Variants in PGPEP1L observed in about 807,000 individuals in gnomAD.
PGPEP1L encodes the protein pyroglutamyl-peptidase 1-like protein.
PGPEP1L carries 7 observed loss-of-function variants against 6.0 expected under a neutral mutation model. The ratio of observed to expected loss-of-function variants is 1.17; its 90% CI spans 0.66 to 2.19. The LOEUF (loss-of-function observed/expected upper bound fraction) is 2.19, where lower values mean the gene tolerates loss of function less well. Ranked by LOEUF, PGPEP1L falls within the 30% of genes most tolerant of loss-of-function variation. The probability of loss-of-function intolerance (pLI) is 0.00; values close to 1 mark genes in which losing one functional copy is unlikely to be tolerated. For synonymous variants in PGPEP1L, 103 were observed against 83.9 expected (o/e 1.23, Z -1.24); for missense variants, 209 against 192.5 (o/e 1.09, Z -0.51).
chr15:99,006,851 G>C (rs1555473711), intron 1 of PGPEP1L, among the ~76,000 whole-genome samples: 1 of 152,070 alleles, frequency 6.6e-6, no homozygotes, highest in Non-Finnish European at 1.5e-5. Context: ...TCCTGAAGCT[G>C]TATATTAAGA....
At position 98,969,471 on chromosome 15, in the gene PGPEP1L, C is replaced by T. The variant is rs759520361; in HGVS notation, c.163G>A (p.Val55Ile). ...ATCACGTCGACACCCTCCACAGCTA[C>T]GCGCTTGCAGACTGCCTTCATGCAG... ...GVCMKAVCKR[V>I]AVEGVDVIFS... The change falls in exon 4 of 5, where the codon GTA becomes ATA. Residue 55 changes from valine (V) to isoleucine (I), a missense_variant. By Grantham distance (29) the Val-to-Ile change is conservative. Coordinates refer to ENST00000535714, the MANE Select transcript of PGPEP1L (RefSeq NM_001167902.2). The T allele has an allele frequency of 1.2e-5, 20 of 1,613,934 alleles. No homozygotes were observed. Among genetic ancestry groups the T allele is most frequent in the East Asian group, 2.2e-5 (1 of 44,902 alleles).
At chr15:98,970,956 T>G in intron 3 of PGPEP1L, 80 bp downstream of exon 3, 1 of 1,580,490 alleles carries the variant, frequency 6.3e-7, no homozygotes, top group Non-Finnish European at 8.6e-7. Context: ...CCATCAACCC[T>G]AGAACCAGGA....
intron 4 of PGPEP1L, 61 bp from the exon 5 acceptor site, chr15:98,968,758 A>T: frequency 6.8e-7 from 1 of 1,473,328 alleles, no homozygotes; most frequent in Non-Finnish European, 9.2e-7. Flanking sequence ...AGTGAAACAT[A>T]CGCAGAAGTG....
chr15:98,975,207 A>T lies in PGPEP1L; in HGVS notation c.-141-4049T>A, dbSNP rs182251219. ...GAACTGGAGGTCATTATGTTAAGTG[A>T]AATAAGCCAGGCACAGACACACAAA... On this transcript the variant is annotated intron_variant, in intron 2 of 4. Coordinates refer to ENST00000535714, the MANE Select transcript of PGPEP1L (RefSeq NM_001167902.2). 5.4e-4 allele frequency among the ~76,000 whole-genome samples: 82 copies of T among 152,348 alleles called. No individual in the cohort carries two copies. The Middle Eastern group carries it at 0.01, about 19-fold the overall frequency.
intron 1 of PGPEP1L, among the ~76,000 whole-genome samples, chr15:99,006,331 A>C (rs144432321): frequency 6.6e-6 from 1 of 152,346 alleles, no homozygotes; most frequent in East Asian, 1.9e-4. Flanking sequence ...TACCTGCGAA[A>C]AGTGCTTTCT....
At chr15:98,997,588 A>G (rs1181135460) in intron 2 of PGPEP1L, among the ~76,000 whole-genome samples, 1 of 152,146 alleles carries the variant, frequency 6.6e-6, no homozygotes, top group Non-Finnish European at 1.5e-5. Context: ...GCTTTCTTAC[A>G]AATAAACATG....
intron 1 of PGPEP1L, among the ~76,000 whole-genome samples, chr15:99,006,710 G>C (rs370718791): frequency 6.6e-6 from 1 of 152,206 alleles, no homozygotes; most frequent in Non-Finnish European, 1.5e-5. Context: ...GGCTTCTCAG[G>C]GAGGCTGAAG....
intron 2 of PGPEP1L, among the ~76,000 whole-genome samples, chr15:98,980,174 C>T (rs920185950): frequency 6.6e-6 from 1 of 152,100 alleles, no homozygotes; most frequent in African/African-American, 2.4e-5. Context: ...TCCCCAAAAA[C>T]TTATGAAAAT....
rs2018033633 is a variant in PGPEP1L, at chr15:99,005,213, G to GA, written c.-142+215dup. Among the ~76,000 whole-genome samples, 3 of 152,322 alleles carry GA rather than the reference G, an allele frequency of 2.0e-5. No homozygotes were observed. In the South Asian group the frequency reaches 6.2e-4, roughly 32 times the overall value. On this transcript the variant is annotated intron_variant, in intron 2 of 4. Coordinates refer to ENST00000535714, the MANE Select transcript of PGPEP1L (RefSeq NM_001167902.2). ...CCGCCACTCGAGAGTTACTTGAAGC[G>GA]AATGAGCCACAGAAGCAGAAATGCC...
At chr15:98,968,881 T>C (rs2017446710) in intron 4 of PGPEP1L, among the ~76,000 whole-genome samples, 184 bp from the exon 5 acceptor site, 1 of 152,234 alleles carries the variant, frequency 6.6e-6, no homozygotes, top group Admixed American at 6.5e-5. Flanking sequence ...GAGCTGGCTC[T>C]TGGCCTCATG....
Position 98,985,521 on chromosome 15 carries a change from GAAC to G in PGPEP1L, c.-141-14366_-141-14364del, listed in dbSNP as rs2017735295. On this transcript the variant is annotated intron_variant, in intron 2 of 4. Transcript: ENST00000535714. ...CCACTGCACTCCAGCCTGGGCAACA[GAAC>G]AAGACTCCATCTCAAAACAAACAAA... Among the ~76,000 whole-genome samples, 4 of 152,302 alleles carry G rather than the reference GAAC, an allele frequency of 2.6e-5. No homozygotes were observed. The South Asian group carries it at 8.3e-4, about 32-fold the overall frequency.
chr15:98,970,929 G>A (rs1270390405), intron 3 of PGPEP1L, 107 bp downstream of exon 3: 4 of 1,500,766 alleles, frequency 2.7e-6, no homozygotes, highest in Middle Eastern at 2.2e-4. Flanking sequence ...GGGGCCTGGG[G>A]ACGGGGTGCC....
Position 98,968,403 on chromosome 15 carries a change from A to C in PGPEP1L, c.*75T>G, listed in dbSNP as rs1338484164. ...TTGTCTTACAAGCAATTTTTGAAAAAGTTTCTCAATGCACAGTTGAGTGCT... is the reference window on the plus strand; with the variant it reads ...TTGTCTTACAAGCAATTTTTGAAAACGTTTCTCAATGCACAGTTGAGTGCT... On this transcript the variant is annotated 3_prime_UTR_variant, in exon 5 of 5. Coordinates refer to ENST00000535714, the MANE Select transcript of PGPEP1L (RefSeq NM_001167902.2). 2.1e-6 allele frequency: 3 copies of C among 1,452,910 alleles called. No individual in the cohort carries two copies. Among genetic ancestry groups the C allele is most frequent in the Non-Finnish European group, 2.8e-6 (3 of 1,065,984 alleles). 90.0% of individuals were successfully genotyped at this position (1,452,910 alleles called of 1,614,324 possible). A position where few individuals can be genotyped will look rare whatever the true frequency, so the allele number is the denominator to read the frequency against.
chr15:98,989,745 C>T (rs1413751683), intron 2 of PGPEP1L, among the ~76,000 whole-genome samples: 3 of 152,168 alleles, frequency 2.0e-5, no homozygotes, highest in Non-Finnish European at 4.4e-5. Context: ...GGTCGGGTTA[C>T]CCACAAAGGG....
chr15:98,984,244 T>C (rs2017713284), intron 2 of PGPEP1L, among the ~76,000 whole-genome samples: 1 of 152,158 alleles, frequency 6.6e-6, no homozygotes, highest in African/African-American at 2.4e-5. Flanking sequence ...TCTCCTGACC[T>C]TGTGAACCAC....
In PGPEP1L at chr15:98,972,815, G is replaced by A. The variant is rs186881761; in HGVS notation, c.-141-1657C>T. 6.1e-4 allele frequency among the ~76,000 whole-genome samples: 82 copies of A among 133,576 alleles called. No homozygotes were observed. In the Admixed American group the frequency reaches 7.3e-3, roughly 12 times the overall value. The allele number at this position is 133,576 out of a possible 152,430, so 87.6% of individuals were successfully genotyped here. On this transcript the variant is annotated intron_variant, in intron 2 of 4. Coordinates refer to ENST00000535714, the MANE Select transcript of PGPEP1L (RefSeq NM_001167902.2). ...GAACCCAGGAGGCGGAGCTTGCAGT[G>A]AGCAGAGACCGTGCACCACTGCACT... is the stretch of plus-strand genomic sequence containing the variant.
intron 2 of PGPEP1L, among the ~76,000 whole-genome samples, chr15:98,984,922 G>A (rs1363664589): frequency 6.6e-6 from 1 of 152,138 alleles, no homozygotes; most frequent in African/African-American, 2.4e-5. Flanking sequence ...CCGGAACCCT[G>A]GACGTGGGCC....
rs923114851 is a variant in PGPEP1L at position 98,997,034 on chromosome 15, T to C, written c.-142+8395A>G. 3.3e-5 allele frequency among the ~76,000 whole-genome samples: 5 copies of C among 152,286 alleles called. No individual in the cohort carries two copies. The South Asian group carries it at 1.0e-3, about 32-fold the overall frequency. ...TCTCGCAGCTTGCCACTGTTGGAGC[T>C]AAACCCAGGAGGCCTGGCTCTTTTC... On this transcript the variant is annotated intron_variant, in intron 2 of 4. Coordinates refer to ENST00000535714, the MANE Select transcript of PGPEP1L (RefSeq NM_001167902.2).
rs539926785 is a variant in PGPEP1L at position 99,007,095 on chromosome 15, G to A, written c.-370+264C>T. On this transcript the variant is annotated intron_variant, in intron 1 of 4. Coordinates refer to ENST00000535714, the MANE Select transcript of PGPEP1L (RefSeq NM_001167902.2). ...GGTGGCTTTCTGGGATTCTGAACCA[G>A]GAACAATTCCCTTTAATTAGCTCCT... 6.7e-4 allele frequency among the ~76,000 whole-genome samples: 102 copies of A among 152,296 alleles called. 1 individual carries two copies. The South Asian group carries it at 0.019, about 29-fold the overall frequency.
Sources: allele counts gnomAD v4.1 joint callset (sites outside exome capture counted in the v4.1 genomes callset), GRCh38; gene constraint gnomAD v4.1.1; transcripts MANE v1.5; gene names NCBI Gene and HGNC (gene_info 2026-07-23, HGNC 2026-07-21).